Variants in CASS4 observed in about 807,000 individuals in gnomAD.
CASS4 encodes cas scaffolding protein family member 4.
Under a neutral mutation model 54.2 loss-of-function variants are expected in CASS4, and 22 were observed. The observed-to-expected ratio is 0.41, with a 90% CI of 0.29 to 0.58. The LOEUF is 0.58. CASS4 is among the 20% of genes least tolerant of loss of function. The pLI is 0.36. For synonymous variants in CASS4, 409 were observed against 391.5 expected, an observed-to-expected ratio of 1.04 and a Z score of -0.53; for missense variants, 854 against 986.7, an observed-to-expected ratio of 0.87 and a Z score of 1.80.
Position 56,445,935 on chromosome 20 carries a change from A to G in CASS4, c.495A>G (p.Ser165=). 1.9e-6 allele frequency: 3 copies of G among 1,613,864 alleles called. No individual in the cohort carries two copies. The highest frequency in any genetic ancestry group is 2.5e-6 in the Non-Finnish European group (3 of 1,179,976). The change falls in exon 3 of 6, where the codon TCA becomes TCG. Residue 165 remains serine (S), a synonymous_variant. Transcript: ENST00000679887. ...CGCTTCCCAGACCTGTCCGGGCCTC[A>G]CTGCCGACTCTGCCTTCCCAGGTGT... The part of the protein sequence containing the change: ...ILTLPRPVRA[S]LPTLPSQVYD...
chr20:56,446,004 G>A lies in CASS4; in HGVS notation c.561+3G>A, dbSNP rs1980692150. ...ACCGGGGCCCCGTGGTCCTGAAGGTGAGCCTTGTTCAGGGGCCCCTCATCA... is the reference window on the plus strand; with the variant it reads ...ACCGGGGCCCCGTGGTCCTGAAGGTAAGCCTTGTTCAGGGGCCCCTCATCA... On this transcript the variant is annotated splice_donor_region_variant and intron_variant, in intron 3 of 5. Transcript: ENST00000679887. The A allele has an allele frequency of 4.4e-6, 7 of 1,608,670 alleles. No individual in the cohort carries two copies. Among genetic ancestry groups the A allele is most frequent in the Non-Finnish European group, 5.9e-6 (7 of 1,177,172 alleles).
Position 56,452,477 on chromosome 20 carries a change from C to G in CASS4, c.1301C>G (p.Ser434Cys). 1 of 1,613,780 alleles carries G rather than the reference C, an allele frequency of 6.2e-7. No individual in the cohort carries two copies. Among genetic ancestry groups the G allele is most frequent in the East Asian group, 2.2e-5 (1 of 44,854 alleles). Residue 434 changes from serine to cysteine, a missense_variant, in exon 5 of 6, where the codon TCC becomes TGC. Ser to Cys is a moderately radical substitution (Grantham distance 112). Coordinates refer to ENST00000679887, the MANE Select transcript of CASS4 (RefSeq NM_020356.4). ...TCGGAGGAGTCAGCAAAGGAGCTCT[C>G]CTTGGACCTGGATGTGGCCAAGGAG... ...SSSEESAKEL[S>C]LDLDVAKETV... is the part of the protein sequence containing the mutation.
At chr20:56,422,065 G>C (rs1323138748) in intron 1 of CASS4, among the ~76,000 whole-genome samples, 1 of 152,186 alleles carries the variant, frequency 6.6e-6, no homozygotes, top group African/African-American at 2.4e-5. Context: ...TCTGTTACTT[G>C]CCTCCTCCTT....
At chr20:56,443,210 G>A (rs970666695) in intron 2 of CASS4, among the ~76,000 whole-genome samples, 8 of 151,276 alleles carry the variant, frequency 5.3e-5, no homozygotes, top group Admixed American at 2.0e-4. Context: ...GGCCTGGCGC[G>A]GTGGCTCACG....
chr20:56,458,038 TTATAAA>T (rs1981383469), intron 5 of CASS4, among the ~76,000 whole-genome samples: 1 of 148,962 alleles, frequency 6.7e-6, no homozygotes, highest in East Asian at 2.0e-4. Flanking sequence ...AAAAAAAAAG[TTATAAA>T]TATAGTCATT....
At chr20:56,422,512 G>C (rs6024870) in intron 1 of CASS4, among the ~76,000 whole-genome samples, 1 of 152,172 alleles carries the variant, frequency 6.6e-6, no homozygotes, top group Non-Finnish European at 1.5e-5. Flanking sequence ...AAAGCATGTC[G>C]ATCTGGGTAA....
chr20:56,449,108 A>G (rs6024882), intron 3 of CASS4, among the ~76,000 whole-genome samples: 48,081 of 152,026 alleles, frequency 0.32, 9,706 homozygotes, highest in East Asian at 0.58. Flanking sequence ...CCCATTACTG[A>G]GTATATACCC....
intron 1 of CASS4, among the ~76,000 whole-genome samples, chr20:56,423,763 T>C (rs566852493): frequency 1.3e-5 from 2 of 152,268 alleles, no homozygotes; most frequent in Admixed American, 1.3e-4. Context: ...CAGGCTGGTC[T>C]TGAACTCCTG....
Position 56,412,380 on chromosome 20 carries a change from G to C in CASS4, c.-79G>C. On this transcript the variant is annotated 5_prime_UTR_variant, in exon 1 of 6. It removes an upstream start codon present in the reference 5' UTR. Coordinates refer to ENST00000679887, the MANE Select transcript of CASS4 (RefSeq NM_020356.4). The surrounding 1 kb of genome is among the most constrained non-coding windows in gnomAD (Gnocchi z 4.2). ...GTTTCTGAGAACCAGCCAGAAGCAT[G>C]CAGTGACATTGCACAATCTGCCTCT... 1 of 1,446,228 alleles carries C rather than the reference G, an allele frequency of 6.9e-7. No homozygotes were observed. The highest frequency in any genetic ancestry group is 9.6e-7 in the Non-Finnish European group (1 of 1,037,746). The allele number at this position is 1,446,228 out of a possible 1,614,324, so 89.6% of individuals were successfully genotyped here. A position where few individuals can be genotyped will look rare whatever the true frequency, so the allele number is the denominator to read the frequency against.
intron 2 of CASS4, among the ~76,000 whole-genome samples, chr20:56,439,290 TC>T (rs1170062283): frequency 2.0e-5 from 3 of 151,926 alleles, no homozygotes; most frequent in African/African-American, 7.2e-5. Context: ...TGCTTCAGCC[TC>T]CCAAAGTGCT....
chr20:56,446,400 A>G (rs1980713698), intron 3 of CASS4, among the ~76,000 whole-genome samples: 1 of 152,158 alleles, frequency 6.6e-6, no homozygotes, highest in Non-Finnish European at 1.5e-5. Flanking sequence ...CATTATTTAT[A>G]ATAGATATTT....
At chr20:56,426,333 T>G (rs975549190) in intron 1 of CASS4, among the ~76,000 whole-genome samples, 5 of 152,206 alleles carry the variant, frequency 3.3e-5, no homozygotes, top group African/African-American at 1.2e-4. Context: ...CGGTCATCAG[T>G]GCTGACTGCT....
At position 56,452,987 on chromosome 20, in the gene CASS4, C is replaced by A; in HGVS notation, c.1811C>A (p.Ala604Glu). The A allele has an allele frequency of 6.2e-7, 1 of 1,614,000 alleles. No individual in the cohort carries two copies. The highest frequency in any genetic ancestry group is 1.1e-5 in the South Asian group (1 of 91,068). The part of the protein sequence containing the change: ...KEETVQLTPN[A>E]EFKCEKYIQP... ...GAGACTGTGCAGTTGACCCCAAATG[C>A]AGAATTTAAGTGTGAAAAATACATC... Residue 604 changes from alanine to glutamate, a missense_variant, in exon 5 of 6, where the codon GCA (alanine) becomes GAA (glutamate). By Grantham distance (107) the Ala-to-Glu change is moderately radical. Transcript: ENST00000679887.
At chr20:56,426,286 A>G (rs1021893714) in intron 1 of CASS4, among the ~76,000 whole-genome samples, 3 of 152,214 alleles carry the variant, frequency 2.0e-5, no homozygotes, top group Non-Finnish European at 4.4e-5. Flanking sequence ...GATGTTAGTT[A>G]TAGTACCTGC....
Position 56,458,490 on chromosome 20 carries a change from A to T in CASS4, c.2104A>T (p.Ile702Phe), listed in dbSNP as rs1981420435. The T allele has an allele frequency of 1.2e-6, 2 of 1,614,134 alleles. No homozygotes were observed. Among genetic ancestry groups the T allele is most frequent in the Non-Finnish European group, 1.7e-6 (2 of 1,180,012 alleles). ...CCTCAGCAGCAGCCAGCCCGCGGAG[A>T]TCATCACTCAGAGCAAGCTGGTCAT... ...GSLSSSQPAEIITQSKLVIMV... is the reference protein window; with the variant it reads ...GSLSSSQPAEFITQSKLVIMV... Residue 702 changes from isoleucine (I) to phenylalanine (F), a missense_variant, in exon 6 of 6, where the codon ATC becomes TTC. Transcript: ENST00000679887.
In CASS4 at chr20:56,450,654, TCCATCCC is replaced by T; in HGVS notation, c.621_627del (p.His207GlnfsTer12). On this transcript the variant is annotated frameshift_variant, in exon 4 of 6. Transcript: ENST00000679887. LOFTEE classifies it high-confidence loss of function. ...CCAGCCAGCCCCAAGAAGGCAGGAC[TCCATCCC>T]CCAGACAGCCAAGCAAGTGTAAGTA... is the stretch of plus-strand genomic sequence containing the variant. 1.9e-6 allele frequency: 3 copies of T among 1,614,118 alleles called. No individual in the cohort carries two copies. The highest frequency in any genetic ancestry group is 2.5e-6 in the Non-Finnish European group (3 of 1,180,010).
At chr20:56,457,339 G>A (rs780598301) in intron 5 of CASS4, among the ~76,000 whole-genome samples, 13 of 152,166 alleles carry the variant, frequency 8.5e-5, no homozygotes, top group South Asian at 2.1e-4. Flanking sequence ...TGGAATAGCC[G>A]GAGGCAGCCT....
chr20:56,417,933 T>G (rs899280620), intron 1 of CASS4, among the ~76,000 whole-genome samples: 4 of 152,168 alleles, frequency 2.6e-5, no homozygotes, highest in African/African-American at 4.8e-5. Flanking sequence ...GTAGCCTCCC[T>G]CCAGCATTTC....
At position 56,451,964 on chromosome 20, in the gene CASS4, T is replaced by C. The variant is rs1167263232; in HGVS notation, c.788T>C (p.Phe263Ser). 6.2e-7 allele frequency: 1 copy of C among 1,614,162 alleles called. No individual in the cohort carries two copies. The highest frequency in any genetic ancestry group is 1.1e-5 in the South Asian group (1 of 91,076). ...ASVRNTPLTS[F>S]AEESRPHALP... ...GTCAGAAACACGCCTCTCACCAGCT[T>C]TGCGGAAGAATCAAGGCCCCACGCT... The change falls in exon 5 of 6, where the codon TTT (phenylalanine) becomes TCT (serine). Residue 263 changes from phenylalanine to serine, a missense_variant. By Grantham distance (155) the Phe-to-Ser change is radical. Transcript: ENST00000679887.
Sources: allele counts gnomAD v4.1 joint callset (sites outside exome capture counted in the v4.1 genomes callset), GRCh38; gene constraint gnomAD v4.1.1; non-coding constraint Gnocchi (gnomAD v3.1); transcripts MANE v1.5; gene names NCBI Gene and HGNC (gene_info 2026-07-23, HGNC 2026-07-21).